The following SPMIP4 variants were observed in gnomAD, a reference collection of about 807,000 sequenced individuals.
SPMIP4 encodes the protein sperm-associated microtubule inner protein 4.
chr7:25,155,772 T>C, the SPMIP4 span, among the ~76,000 whole-genome samples: 1 of 151,622 alleles, frequency 6.6e-6, no homozygotes, highest in Non-Finnish European at 1.5e-5. Flanking sequence ...AAAATAAACA[T>C]GTTAAAGAGA....
chr7:25,162,639 T>C, the SPMIP4 span, among the ~76,000 whole-genome samples: 1 of 152,180 alleles, frequency 6.6e-6, no homozygotes, highest in Non-Finnish European at 1.5e-5. Flanking sequence ...ATAATATAGA[T>C]GGCCGGGAGT....
chr7:25,156,433 T>G, the SPMIP4 span, among the ~76,000 whole-genome samples: 1 of 152,286 alleles, frequency 6.6e-6, no homozygotes, highest in East Asian at 1.9e-4. Flanking sequence ...TGAAGAGAAT[T>G]TGAAAAGCTC....
At chr7:25,176,497 T>G in the SPMIP4 span, among the ~76,000 whole-genome samples, 5 of 151,962 alleles carry the variant, frequency 3.3e-5, no homozygotes, top group African/African-American at 1.2e-4. This position sits in a 1 kb window ranked among gnomAD's most constrained non-coding sequence, Gnocchi z 4.4. Flanking sequence ...GGTAGAGGAG[T>G]AGGGGCAGCA....
chr7:25,139,297 A>G, the SPMIP4 span, among the ~76,000 whole-genome samples: 8 of 152,168 alleles, frequency 5.3e-5, no homozygotes, highest in Admixed American at 3.3e-4. Flanking sequence ...TTTCTGGATG[A>G]TGGATGGTTA....
the SPMIP4 span, among the ~76,000 whole-genome samples, chr7:25,177,483 TAA>T: frequency 6.8e-6 from 1 of 147,828 alleles, no homozygotes; most frequent in Non-Finnish European, 1.5e-5. Context: ...CTCCGTCTAA[TAA>T]AAAAAAAACA....
At chr7:25,140,583 A>G in the SPMIP4 span, among the ~76,000 whole-genome samples, 1 of 145,132 alleles carries the variant, frequency 6.9e-6, no homozygotes, top group Non-Finnish European at 1.5e-5. Context: ...ATTATAGGCA[A>G]GAGCCACCAC....
At chr7:25,136,591 G>A in the SPMIP4 span, 1 of 1,614,102 alleles carries the variant, frequency 6.2e-7, no homozygotes, top group African/African-American at 1.3e-5. The surrounding 1 kb of genome is among the most constrained non-coding windows in gnomAD (Gnocchi z 5.7). Flanking sequence ...CACACCGGCT[G>A]GTATGTTATC....
chr7:25,168,382 G>A, the SPMIP4 span: 1 of 1,613,394 alleles, frequency 6.2e-7, no homozygotes, highest in Non-Finnish European at 8.5e-7. Context: ...CTCGGGGAGT[G>A]AAATCGGTAT....
chr7:25,164,998 T>A, the SPMIP4 span, among the ~76,000 whole-genome samples: 1 of 152,270 alleles, frequency 6.6e-6, no homozygotes, highest in Non-Finnish European at 1.5e-5. Context: ...GGTATATCTA[T>A]GCCACATTTT....
At chr7:25,142,202 C>G in the SPMIP4 span, 2 of 1,486,140 alleles carry the variant, frequency 1.3e-6, no homozygotes, top group Non-Finnish European at 1.9e-6. Context: ...GCCCAGCACT[C>G]TCCCCCAAAA....
the SPMIP4 span, among the ~76,000 whole-genome samples, chr7:25,133,794 G>A: frequency 1.5e-3 from 234 of 152,170 alleles, 2 homozygotes; most frequent in Middle Eastern, 0.02. Flanking sequence ...AATTGCAAAA[G>A]GTGTTTTGCT....
At chr7:25,149,629 A>G in the SPMIP4 span, among the ~76,000 whole-genome samples, 429 of 152,354 alleles carry the variant, frequency 2.8e-3, 1 homozygote, top group African/African-American at 9.8e-3. Context: ...CTGTTCTCAA[A>G]TAACTCATAA....
At chr7:25,162,830 G>A in the SPMIP4 span, among the ~76,000 whole-genome samples, 3 of 151,934 alleles carry the variant, frequency 2.0e-5, no homozygotes, top group African/African-American at 7.3e-5. Context: ...GGAGTGCAAT[G>A]GCGTGATCTC....
At chr7:25,168,465 C>T in the SPMIP4 span, 1 of 1,572,416 alleles carries the variant, frequency 6.4e-7, no homozygotes, top group Non-Finnish European at 8.6e-7. Context: ...ATTCCTGATA[C>T]CTGTGAAAAA....
the SPMIP4 span, chr7:25,155,134 C>T: frequency 0.47 from 750,292 of 1,610,318 alleles, 183,772 homozygotes; most frequent in Non-Finnish European, 0.51. Context: ...GGGAACATGG[C>T]GCCGCGACAG....
chr7:25,159,416 C>A, the SPMIP4 span, among the ~76,000 whole-genome samples: 1 of 152,184 alleles, frequency 6.6e-6, no homozygotes, highest in Non-Finnish European at 1.5e-5. Context: ...AAGAAATAAT[C>A]CTGTAGCCCT....
the SPMIP4 span, among the ~76,000 whole-genome samples, chr7:25,140,996 AGTC>A: frequency 1.3e-5 from 2 of 152,226 alleles, no homozygotes; most frequent in African/African-American, 2.4e-5. Flanking sequence ...CAAAATTTGT[AGTC>A]GTCGAGAATA....
the SPMIP4 span, chr7:25,142,090 G>C: frequency 1.7e-6 from 1 of 596,996 alleles, no homozygotes; most frequent in Non-Finnish European, 2.9e-6. Flanking sequence ...ATTCAAACCA[G>C]TTCAAATCAG....
At chr7:25,165,709 T>A in the SPMIP4 span, among the ~76,000 whole-genome samples, 2 of 152,330 alleles carry the variant, frequency 1.3e-5, no homozygotes, top group African/African-American at 4.8e-5. Context: ...TTATCTGAGG[T>A]TATCTTGTTA....
Sources: gnomAD v4.1 joint callset for allele counts (sites outside exome capture counted in the v4.1 genomes callset) on GRCh38, gnomAD v4.1.1 for gene constraint, Gnocchi (gnomAD v3.1) non-coding constraint, MANE v1.5 for transcripts, NCBI Gene and HGNC (gene_info 2026-07-23, HGNC 2026-07-21) for gene names.